The following PPIL3 variants were observed in gnomAD, a reference collection of about 807,000 sequenced individuals.
The protein encoded by PPIL3 is peptidylprolyl isomerase like 3.
A neutral mutation model predicts 20.9 loss-of-function variants in PPIL3; 13 were observed. The observed-to-expected ratio is 0.62, with a 90% CI of 0.40 to 0.99. The LOEUF (loss-of-function observed/expected upper bound fraction) is 0.99. PPIL3 is among the 50% of genes least tolerant of loss of function. The probability of loss-of-function intolerance (pLI) is 0.00; values close to 1 mark genes in which losing one functional copy is unlikely to be tolerated. For synonymous variants in PPIL3, 71 were observed against 64.4 expected, an observed-to-expected ratio of 1.10 and a Z score of -0.49; for missense variants, 170 against 195.2, an observed-to-expected ratio of 0.87 and a Z score of 0.77.
chr2:200,877,769 T>C (rs1407860667), intron 5 of PPIL3, among the ~76,000 whole-genome samples: 4 of 152,212 alleles, frequency 2.6e-5, no homozygotes, highest in Non-Finnish European at 4.4e-5. Context: ...ATTAAATATA[T>C]ATTTTTTAAC....
chr2:200,881,154 C>T (rs1180415126), intron 5 of PPIL3, among the ~76,000 whole-genome samples: 1 of 152,158 alleles, frequency 6.6e-6, no homozygotes, highest in Non-Finnish European at 1.5e-5. Flanking sequence ...CTCTTTGGTA[C>T]ACTACTAGTT....
At chr2:200,881,755 T>C (rs2039735789) in intron 4 of PPIL3, 1 of 439,238 alleles carries the variant, frequency 2.3e-6, no homozygotes, top group African/African-American at 2.0e-5. Context: ...CTCATCCTTG[T>C]GCAGGGGCCA....
chr2:200,880,915 T>A (rs1222209756), intron 5 of PPIL3, among the ~76,000 whole-genome samples: 1 of 152,164 alleles, frequency 6.6e-6, no homozygotes, highest in Non-Finnish European at 1.5e-5. Context: ...AATTTTACCA[T>A]GTTAAAGACT....
At chr2:200,873,723 C>T (rs1171817633) in intron 6 of PPIL3, among the ~76,000 whole-genome samples, 1 of 151,452 alleles carries the variant, frequency 6.6e-6, no homozygotes, top group Admixed American at 6.6e-5. Context: ...GCCTTGGCCT[C>T]CCAAAGTGCT....
At position 200,871,391 on chromosome 2, in the gene PPIL3, A is replaced by G; in HGVS notation, c.*4T>C. ...GTCAAGTTATTTGTCCAGGTCTATC[A>G]TAGCTACTGAGCAAATGGGTTGGCA... On this transcript the variant is annotated 3_prime_UTR_variant, in exon 7 of 7. Coordinates refer to ENST00000392283, the MANE Select transcript of PPIL3 (RefSeq NM_130906.3). The G allele has an allele frequency of 6.2e-7, 1 of 1,608,292 alleles. No homozygotes were observed. Among genetic ancestry groups the G allele is most frequent in the South Asian group, 1.1e-5 (1 of 90,054 alleles).
rs2039998135 is a variant in PPIL3 at position 200,887,693 on chromosome 2, C to T, written c.-70-8G>A. ...GAGCTCAAAAATAAGTCTCTAGTCC[C>T]AAAAGAAAAAAAGAATTAGGCTCAT... On this transcript the variant is annotated splice_polypyrimidine_tract_variant and splice_region_variant and intron_variant, in intron 1 of 6. Coordinates refer to ENST00000392283, the MANE Select transcript of PPIL3 (RefSeq NM_130906.3). 1.6e-6 allele frequency: 2 copies of T among 1,221,064 alleles called. No individual in the cohort carries two copies. Among genetic ancestry groups the T allele is most frequent in the Non-Finnish European group, 2.3e-6 (2 of 864,530 alleles). The allele number at this position is 1,221,064 out of a possible 1,614,324, so 75.6% of individuals were successfully genotyped here.
chr2:200,876,979 T>G lies in PPIL3; in HGVS notation c.299A>C (p.Gln100Pro). 6.2e-7 allele frequency: 1 copy of G among 1,613,880 alleles called. No individual in the cohort carries two copies. The highest frequency in any genetic ancestry group is 8.5e-7 in the Non-Finnish European group (1 of 1,179,722). The stretch of plus-strand genomic sequence containing the variant: ...CTGTTTGCCATAGGTGATGAAGAAC[T>G]GAGATCCATTGGTGTTCGGGCCATT... The part of the protein sequence containing the change: ...ANNGPNTNGS[Q>P]FFITYGKQPH... The change falls in exon 6 of 7, where the codon CAG (glutamine) becomes CCG (proline). Residue 100 changes from glutamine to proline, a missense_variant. Physicochemically the swap from Gln to Pro is moderately conservative, Grantham distance 76. Transcript: ENST00000392283.
intron 3 of PPIL3, among the ~76,000 whole-genome samples, chr2:200,882,860 A>G (rs990706411): frequency 6.7e-6 from 1 of 149,732 alleles, no homozygotes. Context: ...AGATCGCACC[A>G]CTGCACTCCA....
Position 200,882,408 on chromosome 2 carries a change from A to G in PPIL3, c.106T>C (p.Tyr36His). ...ENFLALCASN[Y>H]YNGCIFHRNI... ...CTATGAAATATACAGCCATTGTAGT[A>G]ATTACTGGCACAAAGAGCCAAGAAA... Residue 36 changes from tyrosine to histidine, a missense_variant, in exon 4 of 7, where the codon TAC becomes CAC. By Grantham distance (83) the Tyr-to-His change is moderately conservative. Coordinates refer to ENST00000392283, the MANE Select transcript of PPIL3 (RefSeq NM_130906.3). 6.2e-7 allele frequency: 1 copy of G among 1,607,046 alleles called. No homozygotes were observed. Among genetic ancestry groups the G allele is most frequent in the Non-Finnish European group, 8.5e-7 (1 of 1,173,578 alleles).
At chr2:200,888,843 G>C in intron 1 of PPIL3, 113 bp downstream of exon 1, 1 of 452,450 alleles carries the variant, frequency 2.2e-6, no homozygotes, top group Non-Finnish European at 4.6e-6. Context: ...TGCAACAACA[G>C]CCTCGCCGCC....
At chr2:200,881,240 T>C (rs1041027822) in intron 5 of PPIL3, among the ~76,000 whole-genome samples, 181 bp downstream of exon 5, 1 of 152,192 alleles carries the variant, frequency 6.6e-6, no homozygotes, top group Non-Finnish European at 1.5e-5. Context: ...CCAGTACACA[T>C]GTCAGGCTAG....
chr2:200,876,517 A>AT lies in PPIL3; in HGVS notation c.359+401dup, dbSNP rs1273010531. On this transcript the variant is annotated intron_variant, in intron 6 of 6. Coordinates refer to ENST00000392283, the MANE Select transcript of PPIL3 (RefSeq NM_130906.3). ...CTCTTCTTTTCTTTCTTTTCTTTTCATTTTTTTTTTTTTTTTTTGAGGCAG... is the reference window on the plus strand; with the variant it reads ...CTCTTCTTTTCTTTCTTTTCTTTTCATTTTTTTTTTTTTTTTTTTGAGGCAG... 3.8e-3 allele frequency among the ~76,000 whole-genome samples: 496 copies of AT among 130,672 alleles called. 2 individuals are homozygous for AT. The highest frequency in any genetic ancestry group is 0.024 in the East Asian group (111 of 4,546). The allele number at this position is 130,672 out of a possible 152,430, so 85.7% of individuals were successfully genotyped here.
In PPIL3 at chr2:200,881,448, A is replaced by T; in HGVS notation, c.213T>A (p.Phe71Leu). The T allele has an allele frequency of 6.2e-7, 1 of 1,613,578 alleles. No homozygotes were observed. Among genetic ancestry groups the T allele is most frequent in the Non-Finnish European group, 8.5e-7 (1 of 1,179,786 alleles). The change falls in exon 5 of 7, where the codon TTT (phenylalanine) becomes TTA (leucine). Residue 71 changes from phenylalanine (F) to leucine (L), a missense_variant. Coordinates refer to ENST00000392283, the MANE Select transcript of PPIL3 (RefSeq NM_130906.3). ...TAAGATATTCACTGTATTCATCCTC[A>T]AACTTCTTGCCCCAAATACTGTTGC... is the stretch of plus-strand genomic sequence containing the variant. ...RGGNSIWGKKFEDEYSEYLKH... is the reference protein window; with the variant it reads ...RGGNSIWGKKLEDEYSEYLKH...
At chr2:200,874,470 C>A (rs937637121) in intron 6 of PPIL3, among the ~76,000 whole-genome samples, 4 of 151,970 alleles carry the variant, frequency 2.6e-5, no homozygotes, top group Non-Finnish European at 4.4e-5. Flanking sequence ...GAAACGGACC[C>A]CTTGGAGAAC....
chr2:200,884,116 A>G (rs1166531024), intron 3 of PPIL3, among the ~76,000 whole-genome samples: 1 of 149,964 alleles, frequency 6.7e-6, no homozygotes, highest in African/African-American at 2.5e-5. Context: ...CTTGTCATTT[A>G]AACAGGTGAC....
chr2:200,882,683 G>A (rs907476481), intron 3 of PPIL3, among the ~76,000 whole-genome samples: 1 of 152,026 alleles, frequency 6.6e-6, no homozygotes, highest in Non-Finnish European at 1.5e-5. Context: ...GCCGAGGTGG[G>A]TGGATCACGA....
At position 200,881,466 on chromosome 2, in the gene PPIL3, A is replaced by G. The variant is rs1387852872; in HGVS notation, c.195T>C (p.Ser65=). Residue 65 remains serine (S), a synonymous_variant, in exon 5 of 7, where the codon AGT becomes AGC. Coordinates refer to ENST00000392283, the MANE Select transcript of PPIL3 (RefSeq NM_130906.3). ...DPTGTGRGGN[S]IWGKKFEDEY... ...CATCCTCAAACTTCTTGCCCCAAAT[A>G]CTGTTGCCTCCTCTTCCAGTTCCTA... 1 of 1,613,380 alleles carries G rather than the reference A, an allele frequency of 6.2e-7. No individual in the cohort carries two copies. Among genetic ancestry groups the G allele is most frequent in the South Asian group, 1.1e-5 (1 of 90,992 alleles).
chr2:200,873,840 T>C (rs114794199), intron 6 of PPIL3, among the ~76,000 whole-genome samples: 1,684 of 152,118 alleles, frequency 0.011, 27 homozygotes, highest in African/African-American at 0.038. Context: ...ATCATGTCAG[T>C]GCTCAAAAAG....
chr2:200,885,390 T>C (rs1269265085), intron 3 of PPIL3: 13 of 336,296 alleles, frequency 3.9e-5, no homozygotes, highest in Non-Finnish European at 6.3e-5. Flanking sequence ...TAATAATAAA[T>C]AAATAAAAAA....
Sources: allele counts gnomAD v4.1 joint callset (sites outside exome capture counted in the v4.1 genomes callset), GRCh38; gene constraint gnomAD v4.1.1; transcripts MANE v1.5; gene names NCBI Gene and HGNC (gene_info 2026-07-23, HGNC 2026-07-21).